RIMS2: variants seen among roughly 807,000 people sequenced by gnomAD.
RIMS2 encodes regulating synaptic membrane exocytosis protein 2.
Under a neutral mutation model 174.4 loss-of-function variants are expected in RIMS2, and 59 were observed. That is an observed-to-expected ratio of 0.34 (90% confidence interval 0.27 to 0.42). RIMS2 has a LOEUF of 0.42. Ranked by LOEUF, RIMS2 falls within the 10% of genes least tolerant of loss-of-function variation. The pLI is 1.00. For missense variants in RIMS2, 1,620 were observed against 1,666.3 expected, an observed-to-expected ratio of 0.97 and a Z score of 0.48; for synonymous variants, 606 against 572.5, an observed-to-expected ratio of 1.06 and a Z score of -0.84.
intron 3 of RIMS2, among the ~76,000 whole-genome samples, chr8:103,828,662 A>G (rs1383619876): frequency 8.6e-5 from 13 of 151,810 alleles, no homozygotes. Flanking sequence ...GTCCTAGTCT[A>G]GAATGGTATT....
chr8:103,996,876 T>C (rs1048823881), intron 17 of RIMS2, among the ~76,000 whole-genome samples: 3 of 151,910 alleles, frequency 2.0e-5, no homozygotes, highest in Non-Finnish European at 2.9e-5. Context: ...GTTCAGTGTA[T>C]ATGAACTGAA....
intron 2 of RIMS2, among the ~76,000 whole-genome samples, chr8:103,764,990 T>C (rs1163789564): frequency 1.3e-5 from 2 of 152,086 alleles, no homozygotes; most frequent in Non-Finnish European, 2.9e-5. Context: ...AACTATGAAA[T>C]GGAATAATGG....
intron 1 of RIMS2, among the ~76,000 whole-genome samples, chr8:103,634,857 T>A (rs188993145): frequency 6.6e-6 from 1 of 152,152 alleles, no homozygotes; most frequent in Non-Finnish European, 1.5e-5. Flanking sequence ...TTTTTTTCTG[T>A]TTTTCATTTG....
chr8:104,093,516 A>G, intron 19 of RIMS2: 11 of 1,597,338 alleles, frequency 6.9e-6, no homozygotes, highest in Non-Finnish European at 9.3e-6. Context: ...TAATGTTTCT[A>G]CTAAATCTTC....
At chr8:104,074,897 C>G (rs1439951354) in intron 19 of RIMS2, among the ~76,000 whole-genome samples, 5 of 151,968 alleles carry the variant, frequency 3.3e-5, no homozygotes, top group African/African-American at 1.2e-4. Context: ...CAACTAAGAC[C>G]ACGTTTATAA....
intron 19 of RIMS2, chr8:104,223,307 A>C: frequency 2.2e-6 from 2 of 920,958 alleles, no homozygotes; most frequent in East Asian, 1.6e-4. Context: ...CATCAGCGGC[A>C]TCTCCCTGCG....
chr8:103,803,664 T>C (rs1328419723), intron 3 of RIMS2, among the ~76,000 whole-genome samples: 3 of 152,190 alleles, frequency 2.0e-5, no homozygotes, highest in Non-Finnish European at 2.9e-5. Flanking sequence ...TAGTCAGTTA[T>C]ATAGTTATAT....
At chr8:103,847,273 G>T (rs539276535) in intron 3 of RIMS2, among the ~76,000 whole-genome samples, 2 of 152,036 alleles carry the variant, frequency 1.3e-5, no homozygotes, top group Non-Finnish European at 2.9e-5. Context: ...TGAATTCTAC[G>T]TATCGGGGGC....
At chr8:103,808,419 G>T (rs182128932) in intron 3 of RIMS2, among the ~76,000 whole-genome samples, 3 of 152,018 alleles carry the variant, frequency 2.0e-5, no homozygotes, top group African/African-American at 4.8e-5. Flanking sequence ...TTATCTCCGG[G>T]TGATCTCATC....
chr8:103,758,612 G>A (rs75926707), intron 2 of RIMS2, among the ~76,000 whole-genome samples: 4,531 of 152,220 alleles, frequency 0.03, 73 homozygotes, highest in African/African-American at 0.046. Flanking sequence ...GGTACCTGCT[G>A]TTTGGCTGGG....
intron 19 of RIMS2, among the ~76,000 whole-genome samples, chr8:104,098,619 G>C (rs2097803187): frequency 6.6e-6 from 1 of 152,060 alleles, no homozygotes; most frequent in African/African-American, 2.4e-5. Context: ...CTCTTTTTGA[G>C]ATAGAGACTT....
At chr8:103,946,873 G>T (rs12550348) in intron 14 of RIMS2, among the ~76,000 whole-genome samples, 21,287 of 152,018 alleles carry the variant, frequency 0.14, 1,682 homozygotes, top group Non-Finnish European at 0.17. Flanking sequence ...TAATTGCAGT[G>T]GTGTAATACT....
At chr8:104,087,867 A>G (rs1185971102) in intron 19 of RIMS2, among the ~76,000 whole-genome samples, 1 of 152,088 alleles carries the variant, frequency 6.6e-6, no homozygotes, top group Non-Finnish European at 1.5e-5. Context: ...GATGTTCGTT[A>G]GGCTCAGCTT....
At chr8:103,763,150 A>G (rs1439147448) in intron 2 of RIMS2, among the ~76,000 whole-genome samples, 3 of 152,064 alleles carry the variant, frequency 2.0e-5, no homozygotes, top group African/African-American at 7.2e-5. Flanking sequence ...ATGAATAGGA[A>G]AATACTAGGA....
At chr8:103,754,056 G>A (rs899265657) in intron 2 of RIMS2, among the ~76,000 whole-genome samples, 4 of 152,220 alleles carry the variant, frequency 2.6e-5, no homozygotes, top group African/African-American at 4.8e-5. Context: ...GCTTTCTCTT[G>A]TGGGCATTTA....
At chr8:103,912,560 G>GTA (rs1029159327) in intron 6 of RIMS2, among the ~76,000 whole-genome samples, 1 of 151,918 alleles carries the variant, frequency 6.6e-6, no homozygotes, top group Non-Finnish European at 1.5e-5. Flanking sequence ...AATGTAATAT[G>GTA]TATATATATG....
intron 3 of RIMS2, among the ~76,000 whole-genome samples, chr8:103,771,691 A>C (rs2154428073): frequency 6.6e-6 from 1 of 152,214 alleles, no homozygotes; most frequent in Non-Finnish European, 1.5e-5. Flanking sequence ...TTCCAGTTCT[A>C]AAATTCTTTA....
At chr8:104,218,589 G>A (rs565986998) in intron 19 of RIMS2, among the ~76,000 whole-genome samples, 9 of 152,010 alleles carry the variant, frequency 5.9e-5, no homozygotes, top group Admixed American at 2.0e-4. Context: ...ATCAGTGGGA[G>A]CCCTGAGCTT....
At chr8:103,726,457 A>G (rs1277872367) in intron 2 of RIMS2, among the ~76,000 whole-genome samples, 1 of 151,930 alleles carries the variant, frequency 6.6e-6, no homozygotes, top group African/African-American at 2.4e-5. Context: ...ATCTTTCCCT[A>G]TCTCAAGGAT....
Sources: allele counts gnomAD v4.1 joint callset (sites outside exome capture counted in the v4.1 genomes callset), GRCh38; gene constraint gnomAD v4.1.1; transcripts MANE v1.5; gene names NCBI Gene and HGNC (gene_info 2026-07-23, HGNC 2026-07-21).